Variants in ERBB4 observed in about 807,000 individuals in gnomAD.
ERBB4 encodes the protein erb-b2 receptor tyrosine kinase 4, also known as receptor tyrosine-protein kinase erbB-4.
In ERBB4, 42 loss-of-function variants were observed where a neutral mutation model predicts 158.0. The ratio of observed to expected loss-of-function variants is 0.27; its 90% CI spans 0.21 to 0.34. The LOEUF is 0.34. Among genes scored for constraint, ERBB4 ranks in the 10% least tolerant of loss-of-function variants. The probability of loss-of-function intolerance (pLI) is 1.00; values close to 1 mark genes in which losing one functional copy is unlikely to be tolerated. For synonymous variants in ERBB4, 583 were observed against 558.7 expected, an observed-to-expected ratio of 1.04 and a Z score of -0.61; for missense variants, 1,333 against 1,624.1, an observed-to-expected ratio of 0.82 and a Z score of 3.08.
intron 20 of ERBB4, among the ~76,000 whole-genome samples, chr2:211,523,376 A>C (rs2066242913): frequency 6.6e-6 from 1 of 150,924 alleles, no homozygotes; most frequent in African/African-American, 2.4e-5. Context: ...AATTTAACTC[A>C]GTGTTGCCCT....
intron 3 of ERBB4, among the ~76,000 whole-genome samples, chr2:211,941,246 A>ATTAG (rs1175383621): frequency 6.8e-6 from 1 of 147,702 alleles, no homozygotes; most frequent in African/African-American, 2.6e-5. Flanking sequence ...TTAAGCTAAG[A>ATTAG]GTACTCTTAG....
chr2:211,883,302 T>C (rs2078712134), intron 3 of ERBB4, among the ~76,000 whole-genome samples: 1 of 151,610 alleles, frequency 6.6e-6, no homozygotes, highest in Non-Finnish European at 1.5e-5. Context: ...TGTTGTGGGG[T>C]GGGTGGAGCG....
At chr2:212,378,802 A>G (rs767198235) in intron 1 of ERBB4, among the ~76,000 whole-genome samples, 20 of 151,874 alleles carry the variant, frequency 1.3e-4, no homozygotes, top group Non-Finnish European at 2.4e-4. Flanking sequence ...TGTTCGAGTT[A>G]ACAATTTATA....
intron 2 of ERBB4, among the ~76,000 whole-genome samples, chr2:212,108,646 C>T (rs1483002812): frequency 2.8e-5 from 4 of 145,448 alleles, no homozygotes; most frequent in Non-Finnish European, 1.5e-5. Context: ...TCCAGGAGTA[C>T]ATTCAACTAT....
intron 1 of ERBB4, among the ~76,000 whole-genome samples, chr2:212,519,868 A>G (rs188903714): frequency 5.3e-5 from 8 of 152,092 alleles, no homozygotes; most frequent in Non-Finnish European, 1.0e-4. Flanking sequence ...CAGAGTAAAT[A>G]TGTTTAGTAA....
chr2:212,144,622 A>T (rs1381194615), intron 1 of ERBB4, among the ~76,000 whole-genome samples: 1 of 152,150 alleles, frequency 6.6e-6, no homozygotes, highest in Non-Finnish European at 1.5e-5. Flanking sequence ...ATATGCAAGG[A>T]TTTATTATGT....
chr2:211,750,577 G>T, intron 5 of ERBB4, 62 bp downstream of exon 5: 1 of 1,366,142 alleles, frequency 7.3e-7, no homozygotes, highest in Non-Finnish European at 1.0e-6. Context: ...GCATGAAATG[G>T]ACCAATCATT....
intron 1 of ERBB4, among the ~76,000 whole-genome samples, chr2:212,504,462 A>G (rs896147948): frequency 1.1e-4 from 16 of 152,030 alleles, no homozygotes; most frequent in African/African-American, 3.9e-4. Flanking sequence ...TTAAAAAATA[A>G]TACAAAAAGA....
chr2:211,971,509 C>G (rs749392705), intron 2 of ERBB4, among the ~76,000 whole-genome samples: 4 of 152,146 alleles, frequency 2.6e-5, no homozygotes, highest in Non-Finnish European at 5.9e-5. Flanking sequence ...CCTACTGAAA[C>G]TATTCCAAAA....
In ERBB4 at chr2:211,402,842, G is replaced by A. The variant is rs115852830; in HGVS notation, c.3136-14850C>T. Among the ~76,000 whole-genome samples the A allele has an allele frequency of 1.8e-3, 277 of 152,028 alleles. 1 individual carries two copies. Among genetic ancestry groups the A allele is most frequent in the African/African-American group, 6.4e-3 (266 of 41,498 alleles). ...CATCTTGATGTTCTAAACACCAGAA[G>A]TCCCCAAAGCGGCTTTCACTAACAT... is the stretch of plus-strand genomic sequence containing the variant. On this transcript the variant is annotated intron_variant, in intron 25 of 27. Transcript: ENST00000342788.
At chr2:212,139,833 T>G (rs2080391092) in intron 1 of ERBB4, among the ~76,000 whole-genome samples, 1 of 151,956 alleles carries the variant, frequency 6.6e-6, no homozygotes. Context: ...TCTGATCAAT[T>G]TTTAAAATTT....
At chr2:211,472,094 C>T (rs1242943444) in intron 20 of ERBB4, among the ~76,000 whole-genome samples, 1 of 151,958 alleles carries the variant, frequency 6.6e-6, no homozygotes. Flanking sequence ...AAAGATTAAG[C>T]AATTTGGTTA....
chr2:212,489,628 C>T (rs544359804), intron 1 of ERBB4, among the ~76,000 whole-genome samples: 7 of 151,518 alleles, frequency 4.6e-5, no homozygotes, highest in East Asian at 1.9e-4. Flanking sequence ...TTAACTCTAA[C>T]GTATGGTATA....
intron 1 of ERBB4, among the ~76,000 whole-genome samples, chr2:212,293,425 C>T (rs1406596463): frequency 6.6e-6 from 1 of 151,898 alleles, no homozygotes; most frequent in Non-Finnish European, 1.5e-5. Context: ...AGCTCCAAAT[C>T]ACCTTCTAAA....
At chr2:212,329,247 A>T (rs934659161) in intron 1 of ERBB4, among the ~76,000 whole-genome samples, 1 of 152,008 alleles carries the variant, frequency 6.6e-6, no homozygotes, top group East Asian at 1.9e-4. Flanking sequence ...GAAGAAAAAA[A>T]AAACTAGGCC....
chr2:211,544,937 C>T (rs544872253), intron 20 of ERBB4, among the ~76,000 whole-genome samples: 1 of 152,112 alleles, frequency 6.6e-6, no homozygotes, highest in South Asian at 2.1e-4. Flanking sequence ...ACAACCTGTT[C>T]CACAGAAGCC....
intron 1 of ERBB4, among the ~76,000 whole-genome samples, chr2:212,136,544 T>C (rs2080277591): frequency 6.6e-6 from 1 of 152,156 alleles, no homozygotes. Flanking sequence ...AGGGTGGCAC[T>C]CTTTTAAGTG....
intron 1 of ERBB4, among the ~76,000 whole-genome samples, chr2:212,258,500 C>T (rs1402540420): frequency 6.6e-6 from 1 of 150,868 alleles, no homozygotes; most frequent in Non-Finnish European, 1.5e-5. Flanking sequence ...AATAGTTACG[C>T]TAAAATAATA....
At chr2:211,734,358 A>C (rs959446094) in intron 5 of ERBB4, among the ~76,000 whole-genome samples, 1 of 152,096 alleles carries the variant, frequency 6.6e-6, no homozygotes, top group Non-Finnish European at 1.5e-5. Context: ...GCAAACTATT[A>C]GTGGGTGTAT....
Sources: gnomAD v4.1 joint callset for allele counts (sites outside exome capture counted in the v4.1 genomes callset) on GRCh38, gnomAD v4.1.1 for gene constraint, MANE v1.5 for transcripts, NCBI Gene and HGNC (gene_info 2026-07-23, HGNC 2026-07-21) for gene names.